GFI1B: variants seen among roughly 807,000 people sequenced by gnomAD.
The protein encoded by GFI1B is growth factor independent 1B transcriptional repressor, also known as zinc finger protein Gfi-1b.
In GFI1B, 20 loss-of-function variants were observed where a neutral mutation model predicts 35.3. That is an observed-to-expected ratio of 0.57 (90% CI 0.40 to 0.82). The LOEUF (loss-of-function observed/expected upper bound fraction) is 0.82, where lower values mean the gene tolerates loss of function less well. GFI1B is among the 40% of genes least tolerant of loss of function. The probability of loss-of-function intolerance (pLI) is 0.00; values close to 1 mark genes in which losing one functional copy is unlikely to be tolerated. For missense variants in GFI1B, 430 were observed against 446.3 expected, an observed-to-expected ratio of 0.96 and a Z score of 0.33; for synonymous variants, 178 against 177.6, an observed-to-expected ratio of 1.00 and a Z score of -0.02.
upstream of GFI1B, among the ~76,000 whole-genome samples, chr9:132,978,201 A>C (rs1419352436): frequency 6.9e-6 from 1 of 144,258 alleles, no homozygotes; most frequent in Non-Finnish European, 1.5e-5. Flanking sequence ...GGAGGGAGGG[A>C]GGGAAGGAAA....
At chr9:132,958,282 G>A (rs533212465) in intron 1 of GFI1B, among the ~76,000 whole-genome samples, 15 of 152,236 alleles carry the variant, frequency 9.9e-5, no homozygotes, top group East Asian at 7.7e-4. Context: ...GTGTTAGGCC[G>A]TTCTTGCGTT....
Position 132,988,265 on chromosome 9 carries a change from A to G in GFI1B, c.307A>G (p.Lys103Glu). The G allele has an allele frequency of 6.2e-7, 1 of 1,613,894 alleles. No homozygotes were observed. The highest frequency in any genetic ancestry group is 2.2e-5 in the East Asian group (1 of 44,874). ...ACTGTCCGACTCACCCCCATTCTAC[A>G]AGCCTAGCTTCTCCTGGGACACCTT... ...SPLSDSPPFYKPSFSWDTLAT... is the reference protein window; with the variant it reads ...SPLSDSPPFYEPSFSWDTLAT... The change falls in exon 4 of 7, where the codon AAG becomes GAG. Residue 103 changes from lysine (K) to glutamate (E), a missense_variant. Coordinates refer to ENST00000372122, the MANE Select transcript of GFI1B (RefSeq NM_001377304.1).
intron 1 of GFI1B, among the ~76,000 whole-genome samples, chr9:132,983,676 C>G: frequency 6.6e-6 from 1 of 152,186 alleles, no homozygotes; most frequent in East Asian, 1.9e-4. Context: ...GTTTTCCCAC[C>G]TGCAACCTGG....
rs983188954 is a variant in GFI1B at position 132,965,456 on chromosome 9, A to G, written c.-700-7269A>G. Among the ~76,000 whole-genome samples the G allele has an allele frequency of 3.3e-5, 5 of 152,382 alleles. No homozygotes were observed. In the South Asian group the frequency reaches 8.3e-4, roughly 25 times the overall value. The stretch of plus-strand genomic sequence containing the variant: ...AGTGGCCCCCTAAAAAGATAGGTCC[A>G]AATCCTAACACTCAGTACCTGTGAA... On this transcript the variant is annotated intron_variant, in intron 1 of 10. Transcript: ENST00000339463.
rs766849142 is a variant in GFI1B, at chr9:132,989,020, C to G, written c.511-41C>G. 30 of 1,607,520 alleles carry G rather than the reference C, an allele frequency of 1.9e-5. No homozygotes were observed. The highest frequency in any genetic ancestry group is 2.4e-5 in the Non-Finnish European group (28 of 1,174,338). On this transcript the variant is annotated intron_variant, in intron 4 of 6. Coordinates refer to ENST00000372122, the MANE Select transcript of GFI1B (RefSeq NM_001377304.1). This position sits in a 1 kb window ranked among gnomAD's most constrained non-coding sequence, Gnocchi z 6.2. ...TGGGACCCCAGGCCTGTCCCTGTCA[C>G]CGCAGCCCCCAGTGGCCTCACATGC...
intron 1 of GFI1B, among the ~76,000 whole-genome samples, chr9:132,984,807 C>T (rs760591000): frequency 4.3e-4 from 65 of 152,306 alleles, no homozygotes; most frequent in Non-Finnish European, 5.3e-4. Context: ...TCTTGATGCC[C>T]CCAGGCTCTG....
chr9:132,970,060 T>TGA (rs201028030), intron 1 of GFI1B, among the ~76,000 whole-genome samples: 3,379 of 152,284 alleles, frequency 0.022, 53 homozygotes, highest in Middle Eastern at 0.034. Flanking sequence ...TGATCAGTGT[T>TGA]GAGAAGGAAC....
intron 1 of GFI1B, among the ~76,000 whole-genome samples, chr9:132,984,531 C>T (rs543378134): frequency 5.6e-4 from 86 of 152,316 alleles, no homozygotes; most frequent in African/African-American, 2.0e-3. Flanking sequence ...TTCTGGGAGG[C>T]TGCTGCAGCC....
chr9:132,988,097 C>T (rs1849142506), intron 3 of GFI1B, 100 bp from the exon 4 acceptor site: 3 of 1,099,940 alleles, frequency 2.7e-6, no homozygotes, highest in African/African-American at 3.1e-5. Flanking sequence ...CCACTTGCCT[C>T]AGCCTCCCAA....
intron 1 of GFI1B, among the ~76,000 whole-genome samples, chr9:132,956,782 G>A (rs988389587): frequency 2.6e-5 from 4 of 152,214 alleles, no homozygotes; most frequent in African/African-American, 9.7e-5. Context: ...TCAGGGATAT[G>A]GGTGTAGTTT....
At chr9:132,969,493 T>G (rs79360489) in intron 1 of GFI1B, among the ~76,000 whole-genome samples, 3,233 of 152,302 alleles carry the variant, frequency 0.021, 113 homozygotes, top group African/African-American at 0.074. Context: ...ATAATAATAC[T>G]CCGTCGTATG....
At chr9:132,984,424 G>A (rs898858879) in intron 1 of GFI1B, among the ~76,000 whole-genome samples, 7 of 152,164 alleles carry the variant, frequency 4.6e-5, no homozygotes, top group Admixed American at 6.5e-5. Context: ...TCAGAGAGCC[G>A]AGAATCTGAC....
At chr9:132,987,797 G>A (rs1001808675) in intron 3 of GFI1B, among the ~76,000 whole-genome samples, 1 of 152,160 alleles carries the variant, frequency 6.6e-6, no homozygotes, top group Admixed American at 6.5e-5. Context: ...GATGAAGGTA[G>A]TGGTGTGTGG....
At chr9:132,947,678 G>A (rs1334530760) in intron 1 of GFI1B, among the ~76,000 whole-genome samples, 1 of 151,706 alleles carries the variant, frequency 6.6e-6, no homozygotes, top group Admixed American at 6.6e-5. Flanking sequence ...GCGTGGTGGC[G>A]GGTACCTATA....
At chr9:132,979,246 C>CTT (rs34125755) in intron 1 of GFI1B, among the ~76,000 whole-genome samples, 2,630 of 95,464 alleles carry the variant, frequency 0.028, 242 homozygotes, top group East Asian at 0.037. Flanking sequence ...TCCTGGGACA[C>CTT]TTTTTTTTTT....
chr9:132,989,226 C>T lies in GFI1B; in HGVS notation c.648+28C>T. 6.2e-7 allele frequency: 1 copy of T among 1,601,298 alleles called. No individual in the cohort carries two copies. Among genetic ancestry groups the T allele is most frequent in the Admixed American group, 1.7e-5 (1 of 60,010 alleles). ...GGGCACCTGGCCCAGCGCAGGACTCCCAGCCCCACTCCTTCTCTGTGCTTC... is the reference window on the plus strand; with the variant it reads ...GGGCACCTGGCCCAGCGCAGGACTCTCAGCCCCACTCCTTCTCTGTGCTTC... On this transcript the variant is annotated intron_variant, in intron 5 of 6. Coordinates refer to ENST00000372122, the MANE Select transcript of GFI1B (RefSeq NM_001377304.1). This position sits in a 1 kb window ranked among gnomAD's most constrained non-coding sequence, Gnocchi z 6.2.
chr9:132,991,372 G>C lies in GFI1B; in HGVS notation c.*322G>C. 1 of 386,746 alleles carries C rather than the reference G, an allele frequency of 2.6e-6. No homozygotes were observed. Among genetic ancestry groups the C allele is most frequent in the Non-Finnish European group, 4.9e-6 (1 of 203,978 alleles). The allele number at this position is 386,746 out of a possible 1,614,324, so 24.0% of individuals were successfully genotyped here. A position where few individuals can be genotyped will look rare whatever the true frequency, so the allele number is the denominator to read the frequency against. ...CAGGGAGACAGGGATGCCAAGAGTA[G>C]ACCAGAGCTGGGACCCACAGACAGA... On this transcript the variant is annotated 3_prime_UTR_variant, in exon 7 of 7. Coordinates refer to ENST00000372122, the MANE Select transcript of GFI1B (RefSeq NM_001377304.1).
At chr9:132,964,743 CTTTTTTTTTTTTTTTTT>C (rs71376675) in intron 1 of GFI1B, among the ~76,000 whole-genome samples, 2 of 107,938 alleles carry the variant, frequency 1.9e-5, no homozygotes, top group African/African-American at 6.9e-5. Context: ...ATTTTTCTTC[CTTTTTTTTTTTTTTTTT>C]TTTTTTTTTT....
At position 132,991,187 on chromosome 9, in the gene GFI1B, A is replaced by G; in HGVS notation, c.*137A>G. ...CTACCAGCTTGTTTTGAGACTCATG[A>G]AATTGCTGTGTGACCTTGGGCAAGT... On this transcript the variant is annotated 3_prime_UTR_variant, in exon 7 of 7. Transcript: ENST00000372122. The G allele has an allele frequency of 1.3e-6, 1 of 780,662 alleles. No individual in the cohort carries two copies. Among genetic ancestry groups the G allele is most frequent in the Non-Finnish European group, 2.1e-6 (1 of 468,226 alleles). The allele number at this position is 780,662 out of a possible 1,614,324, so 48.4% of individuals were successfully genotyped here. A position where few individuals can be genotyped will look rare whatever the true frequency, so the allele number is the denominator to read the frequency against.
Sources: allele counts gnomAD v4.1 joint callset (sites outside exome capture counted in the v4.1 genomes callset), GRCh38; gene constraint gnomAD v4.1.1; non-coding constraint Gnocchi (gnomAD v3.1); transcripts MANE v1.5; gene names NCBI Gene and HGNC (gene_info 2026-07-23, HGNC 2026-07-21).